The following POLE variants were observed in gnomAD, a reference collection of about 807,000 sequenced individuals.
POLE encodes DNA polymerase epsilon, catalytic subunit, also known as DNA polymerase epsilon catalytic subunit A.
Under a neutral mutation model 279.2 loss-of-function variants are expected in POLE, and 188 were observed. That is an observed-to-expected ratio of 0.67 (90% CI 0.60 to 0.76). The LOEUF is 0.76. Among genes scored for constraint, POLE ranks in the 30% least tolerant of loss-of-function variants. The probability of loss-of-function intolerance (pLI) is 0.00; values close to 1 mark genes in which losing one functional copy is unlikely to be tolerated. For missense variants in POLE, 2,703 were observed against 3,016.7 expected (o/e 0.90, Z 2.44); for synonymous variants, 1,214 against 1,172.5 (o/e 1.04, Z -0.72).
chr12:132,654,609 G>A (rs537303807), intron 29 of POLE, among the ~76,000 whole-genome samples: 1 of 152,072 alleles, frequency 6.6e-6, no homozygotes, highest in African/African-American at 2.4e-5. Context: ...AGGACAACAT[G>A]ACAAAACCTT....
intron 20 of POLE, 102 bp downstream of exon 20, chr12:132,667,401 C>T: frequency 8.0e-7 from 1 of 1,244,048 alleles, no homozygotes; most frequent in South Asian, 1.3e-5. Flanking sequence ...AGTGCAAGTG[C>T]CTGCTCAGAG....
chr12:132,659,567 C>T (rs376301402), intron 25 of POLE, 58 bp from the exon 26 acceptor site: 4 of 1,446,334 alleles, frequency 2.8e-6, no homozygotes, highest in African/African-American at 1.4e-5. Context: ...TCTGAGCTCA[C>T]CCTGGACTGT....
Position 132,660,972 on chromosome 12 carries a change from G to T in POLE, c.3057C>A (p.Ser1019Arg), listed in dbSNP as rs2138688476. 1 of 1,606,896 alleles carries T rather than the reference G, an allele frequency of 6.2e-7. No individual in the cohort carries two copies. The highest frequency in any genetic ancestry group is 1.1e-5 in the South Asian group (1 of 90,260). The change falls in exon 25 of 49, where the codon AGC (serine) becomes AGA (arginine). Residue 1019 changes from serine (S) to arginine (R), a missense_variant. Ser to Arg is a moderately radical substitution (Grantham distance 110). Around this residue, in one of 5 missense-constraint regions of POLE, gnomAD observed 1,551 missense variants for 1,686.1 expected, o/e 0.92. Coordinates refer to ENST00000320574, the MANE Select transcript of POLE (RefSeq NM_006231.4). ...VADYWLDVLY[S>R]KAANMPDSEL... ...AGGGTGGAGGGTAGGCCTTTACCTT[G>T]CTGTACAGCACGTCCAGCCAGTAGT... is the stretch of plus-strand genomic sequence containing the variant.
intron 29 of POLE, among the ~76,000 whole-genome samples, chr12:132,655,838 G>A (rs771995601): frequency 2.6e-5 from 4 of 151,738 alleles, no homozygotes; most frequent in Non-Finnish European, 5.9e-5. Context: ...CTTTTCCTGC[G>A]TCCTATCTTT....
In POLE at chr12:132,641,771, C is replaced by T. The variant is rs1335665224; in HGVS notation, c.5254G>A (p.Asp1752Asn). 4.3e-6 allele frequency: 7 copies of T among 1,609,754 alleles called. No homozygotes were observed. Among genetic ancestry groups the T allele is most frequent in the African/African-American group, 2.7e-5 (2 of 74,902 alleles). Residue 1752 changes from aspartate (D) to asparagine (N), a missense_variant, in exon 39 of 49, where the codon GAC becomes AAC. This residue lies in a region of POLE where 1,551 missense variants were observed against 1,686.1 expected (regional missense o/e 0.92). Transcript: ENST00000320574. Reference sequence around the variant, plus strand: ...ACGTCGAAGCTGATCCCCATGCTGTCGGCCCCCTCCATGTCGTTGACATGG... The same window carrying T: ...ACGTCGAAGCTGATCCCCATGCTGTTGGCCCCCTCCATGTCGTTGACATGG... ...SHHVNDMEGA[D>N]SMGISFDVIQ...
At chr12:132,632,862 G>A (rs1431084583) in intron 43 of POLE, 67 bp from the exon 44 acceptor site, 7 of 1,506,824 alleles carry the variant, frequency 4.6e-6, no homozygotes, top group Non-Finnish European at 6.2e-6. Context: ...AATCTGAGGG[G>A]ACCCATGGCT....
In POLE at chr12:132,624,889, A is replaced by T. The variant is rs766379073; in HGVS notation, c.6747+16T>A. The T allele has an allele frequency of 6.2e-7, 1 of 1,611,542 alleles. No individual in the cohort carries two copies. Among genetic ancestry groups the T allele is most frequent in the African/African-American group, 1.3e-5 (1 of 74,874 alleles). ...AGGAGGCCAGGCTGAGCCGAGGCAG[A>T]TGAGGGAGAGCCCACCTGGGTGTGG... On this transcript the variant is annotated intron_variant, in intron 48 of 48. Coordinates refer to ENST00000320574, the MANE Select transcript of POLE (RefSeq NM_006231.4).
chr12:132,663,534 G>A (rs947622641), intron 23 of POLE, among the ~76,000 whole-genome samples: 3 of 152,242 alleles, frequency 2.0e-5, no homozygotes, highest in Admixed American at 2.0e-4. Flanking sequence ...AGGACAGACC[G>A]GGACAGGACA....
chr12:132,631,450 G>A (rs1268462837), intron 45 of POLE, among the ~76,000 whole-genome samples: 2 of 152,140 alleles, frequency 1.3e-5, no homozygotes, highest in Non-Finnish European at 1.5e-5. Context: ...TTTAAAATAT[G>A]TAAAAGTCAA....
At position 132,664,174 on chromosome 12, in the gene POLE, C is replaced by G. The variant is rs778860575; in HGVS notation, c.2562-26G>C. ...CTTCAGAGAAAGAGAGGAGCAAGGT[C>G]GTGAGTTCCCCTTTCCTTTTCACCC... is the stretch of plus-strand genomic sequence containing the variant. On this transcript the variant is annotated intron_variant, in intron 22 of 48. Transcript: ENST00000320574. This position sits in a 1 kb window ranked among gnomAD's most constrained non-coding sequence, Gnocchi z 5.3. 2 of 1,612,070 alleles carry G rather than the reference C, an allele frequency of 1.2e-6. No homozygotes were observed. The highest frequency in any genetic ancestry group is 2.2e-5 in the South Asian group (2 of 91,044).
Position 132,677,606 on chromosome 12 carries a change from C to T in POLE, c.692G>A (p.Arg231His), listed in dbSNP as rs1060500835. ...GTGGATCTTCAGGTCAATGGAGAGG[C>T]GGATGTGGTAGGGAACATCGTACTC... ...MREYDVPYHI[R>H]LSIDLKIHVA... Residue 231 changes from arginine to histidine, a missense_variant, in exon 7 of 49, where the codon CGC becomes CAC. By Grantham distance (29) the Arg-to-His change is conservative. Around this residue, in one of 5 missense-constraint regions of POLE, gnomAD observed 1,011 missense variants for 1,111.7 expected, o/e 0.91. Coordinates refer to ENST00000320574, the MANE Select transcript of POLE (RefSeq NM_006231.4). The T allele has an allele frequency of 3.1e-6, 5 of 1,614,164 alleles. No individual in the cohort carries two copies. The highest frequency in any genetic ancestry group is 2.2e-5 in the East Asian group (1 of 44,884).
At chr12:132,629,784 C>T (rs562527577) in intron 45 of POLE, among the ~76,000 whole-genome samples, 3 of 152,328 alleles carry the variant, frequency 2.0e-5, no homozygotes, top group South Asian at 2.1e-4. Flanking sequence ...CTTCAAGAAC[C>T]TTTCCTTTGC....
rs558666980 is a variant in POLE at position 132,656,242 on chromosome 12, C to T, written c.3582+894G>A. Among the ~76,000 whole-genome samples, 229 of 152,306 alleles carry T rather than the reference C, an allele frequency of 1.5e-3. 1 individual carries two copies. The highest frequency in any genetic ancestry group is 5.3e-3 in the African/African-American group (219 of 41,576). The stretch of plus-strand genomic sequence containing the variant: ...AGGAGGCAGAAGCTGCATTGTGCCA[C>T]TGCACTCCTGCCTGGGCAATAGAGC... On this transcript the variant is annotated intron_variant, in intron 29 of 48. Coordinates refer to ENST00000320574, the MANE Select transcript of POLE (RefSeq NM_006231.4).
intron 31 of POLE, 81 bp from the exon 32 acceptor site, chr12:132,649,153 G>C (rs2138602196): frequency 6.5e-7 from 1 of 1,547,890 alleles, no homozygotes; most frequent in Admixed American, 1.8e-5. Flanking sequence ...GTAGCTTGCA[G>C]CTCCCAGCAC....
In POLE at chr12:132,659,295, C is replaced by T. The variant is rs1060500857; in HGVS notation, c.3275G>A (p.Arg1092Lys). The T allele has an allele frequency of 6.2e-7, 1 of 1,613,704 alleles. No homozygotes were observed. Among genetic ancestry groups the T allele is most frequent in the Non-Finnish European group, 8.5e-7 (1 of 1,179,876 alleles). ...TCTCCGTGATGGGGGGAGCCCTCAC[C>T]TCTCCGTGACAGGGGAGCCCTCGGG... Reference protein sequence around the residue: ...RKPEGSPVTERAIPLAIFQAE... With the variant: ...RKPEGSPVTEKAIPLAIFQAE... The change falls in exon 26 of 49, where the codon AGG becomes AAG. Residue 1092 changes from arginine to lysine, a missense_variant and splice_region_variant. Physicochemically the swap from Arg to Lys is conservative, Grantham distance 26. Coordinates refer to ENST00000320574, the MANE Select transcript of POLE (RefSeq NM_006231.4).
At position 132,677,669 on chromosome 12, in the gene POLE, T is replaced by C. The variant is rs765826619; in HGVS notation, c.629A>G (p.Lys210Arg). Residue 210 changes from lysine to arginine, a missense_variant, in exon 7 of 49, where the codon AAG (lysine) becomes AGG (arginine). Around this residue, in one of 5 missense-constraint regions of POLE, gnomAD observed 1,011 missense variants for 1,111.7 expected, o/e 0.91. Coordinates refer to ENST00000320574, the MANE Select transcript of POLE (RefSeq NM_006231.4). ...VITDEEETSK[K>R]IADQLDNIVD... is the part of the protein sequence containing the mutation. ...AATGTTGTCCAACTGGTCAGCTATC[T>C]TCTTAGAGGTTTCCTCTTCATCAGT... 1.2e-6 allele frequency: 2 copies of C among 1,614,046 alleles called. No homozygotes were observed. The highest frequency in any genetic ancestry group is 4.5e-5 in the East Asian group (2 of 44,902).
At chr12:132,673,830 T>C in intron 12 of POLE, 123 bp from the exon 13 acceptor site, 3 of 1,094,092 alleles carry the variant, frequency 2.7e-6, no homozygotes, top group Non-Finnish European at 2.7e-6. Flanking sequence ...CCCAGGAGCC[T>C]CACACCAAGG....
intron 39 of POLE, among the ~76,000 whole-genome samples, chr12:132,640,404 C>T (rs550128894): frequency 1.9e-3 from 296 of 152,330 alleles, no homozygotes; most frequent in Non-Finnish European, 3.3e-3. Flanking sequence ...GCCCCTACAC[C>T]GAAGCAATGG....
chr12:132,644,314 C>A (rs2042225604), intron 32 of POLE, among the ~76,000 whole-genome samples: 1 of 150,820 alleles, frequency 6.6e-6, no homozygotes. Flanking sequence ...AACACACCAC[C>A]ACGGATGGCT....
Sources: gnomAD v4.1 joint callset for allele counts (sites outside exome capture counted in the v4.1 genomes callset) on GRCh38, gnomAD v4.1.1 for gene constraint, gnomAD v4.1.1 regional missense constraint, Gnocchi (gnomAD v3.1) non-coding constraint, MANE v1.5 for transcripts, NCBI Gene and HGNC (gene_info 2026-07-23, HGNC 2026-07-21) for gene names.